The following CYP2U1 variants were observed in gnomAD, a reference collection of about 807,000 sequenced individuals.
CYP2U1 encodes cytochrome P450 2U1.
CYP2U1 carries 28 observed loss-of-function variants against 42.8 expected under a neutral mutation model. The ratio of observed to expected loss-of-function variants is 0.65; its 90% CI spans 0.48 to 0.90. The LOEUF (loss-of-function observed/expected upper bound fraction) is 0.90, where lower values mean the gene tolerates loss of function less well. Among genes scored for constraint, CYP2U1 ranks in the 40% least tolerant of loss-of-function variants. The pLI is 0.00. For missense variants in CYP2U1, 642 were observed against 693.8 expected (o/e 0.93, Z 0.84); for synonymous variants, 296 against 278.9 (o/e 1.06, Z -0.61).
chr4:107,949,165 A>G (rs1332001218), intron 3 of CYP2U1, among the ~76,000 whole-genome samples, 185 bp from the exon 4 acceptor site: 4 of 152,120 alleles, frequency 2.6e-5, no homozygotes, highest in Non-Finnish European at 5.9e-5. Flanking sequence ...GGGTCCTGGA[A>G]TGGTGCGGGG....
Position 107,947,521 on chromosome 4 carries a change from G to A in CYP2U1, c.1272G>A (p.Met424Ile), listed in dbSNP as rs1272950208. The A allele has an allele frequency of 6.2e-7, 1 of 1,613,928 alleles. No individual in the cohort carries two copies. The highest frequency in any genetic ancestry group is 8.5e-7 in the Non-Finnish European group (1 of 1,180,020). ...TGGTGCCGCTTGCCATTCCTCATAT[G>A]ACCTCAGAGAACACAGGCAAGTCCA... The part of the protein sequence containing the change: ...TVVVPLAIPH[M>I]TSENTVLQGY... The change falls in exon 3 of 5, where the codon ATG (methionine) becomes ATA (isoleucine). Residue 424 changes from methionine to isoleucine, a missense_variant. Coordinates refer to ENST00000332884, the MANE Select transcript of CYP2U1 (RefSeq NM_183075.3).
chr4:107,932,226 C>G (rs1280420506), intron 1 of CYP2U1, 93 bp downstream of exon 1: 13 of 1,471,142 alleles, frequency 8.8e-6, no homozygotes, highest in Non-Finnish European at 1.8e-6. Flanking sequence ...CTTCCGGCCG[C>G]CCGCGCCCCC....
rs776291096 is a variant in CYP2U1 at position 107,944,960 on chromosome 4, C to T, written c.491-10C>T. 25 of 1,595,208 alleles carry T rather than the reference C, an allele frequency of 1.6e-5. No individual in the cohort carries two copies. The highest frequency in any genetic ancestry group is 2.1e-5 in the Non-Finnish European group (25 of 1,171,610). ...GTTTCTCATCTTCCTTTCTTGGTGT[C>T]CCTTTGCAGGGGTTGTGTTTGCACA... On this transcript the variant is annotated splice_polypyrimidine_tract_variant and intron_variant, in intron 1 of 4. Coordinates refer to ENST00000332884, the MANE Select transcript of CYP2U1 (RefSeq NM_183075.3).
At chr4:107,949,090 T>A (rs1733817163) in intron 3 of CYP2U1, among the ~76,000 whole-genome samples, 1 of 152,216 alleles carries the variant, frequency 6.6e-6, no homozygotes. Flanking sequence ...TTCATTGTAA[T>A]GTTTTTATGG....
rs111314847 is a variant in CYP2U1, at chr4:107,948,972, T to C, written c.1289-378T>C. Among the ~76,000 whole-genome samples, 37 of 152,352 alleles carry C rather than the reference T, an allele frequency of 2.4e-4. 2 individuals carry two copies. The highest frequency in any genetic ancestry group is 8.4e-4 in the African/African-American group (35 of 41,588). On this transcript the variant is annotated intron_variant, in intron 3 of 4. Transcript: ENST00000332884. ...AGTTTACCTCCTCATTACATTGTTA[T>C]ATGGACATAAATGACCCTGTAAACT...
intron 2 of CYP2U1, among the ~76,000 whole-genome samples, chr4:107,945,909 G>C (rs578029714): frequency 6.6e-6 from 1 of 152,296 alleles, no homozygotes; most frequent in Admixed American, 6.5e-5. Flanking sequence ...TCATAATGCT[G>C]ATCTGAACAC....
intron 3 of CYP2U1, among the ~76,000 whole-genome samples, chr4:107,949,068 T>A (rs1386338917): frequency 6.6e-6 from 1 of 152,176 alleles, no homozygotes; most frequent in Non-Finnish European, 1.5e-5. Flanking sequence ...GTTTCTGTTT[T>A]AGTGTTTTCT....
rs1177728563 is a variant in CYP2U1, at chr4:107,952,548, A to T, written c.*2125A>T. The T allele has an allele frequency of 6.6e-6, 1 of 152,238 alleles. No individual in the cohort carries two copies. Among genetic ancestry groups the T allele is most frequent in the Non-Finnish European group, 1.5e-5 (1 of 68,046 alleles). 9.4% of individuals were successfully genotyped at this position (152,238 alleles called of 1,614,324 possible). A position where few individuals can be genotyped will look rare whatever the true frequency, so the allele number is the denominator to read the frequency against. Reference sequence around the variant, plus strand: ...TTAAAACACTTCTGTTTGGCCTTCTATAACTGATCACCCTTCTTTGCTCTG... The same window carrying T: ...TTAAAACACTTCTGTTTGGCCTTCTTTAACTGATCACCCTTCTTTGCTCTG... On this transcript the variant is annotated 3_prime_UTR_variant, in exon 5 of 5. Coordinates refer to ENST00000332884, the MANE Select transcript of CYP2U1 (RefSeq NM_183075.3).
intron 1 of CYP2U1, 28 bp from the exon 2 acceptor site, chr4:107,944,942 A>G: frequency 6.4e-7 from 1 of 1,569,468 alleles, no homozygotes; most frequent in African/African-American, 1.4e-5. Context: ...ACTGTTTCTC[A>G]TCTTCCTTTC....
chr4:107,938,584 GTTCTGTGACAGTA>G (rs1270670491), intron 1 of CYP2U1: 1 of 152,166 alleles, frequency 6.6e-6, no homozygotes, highest in African/African-American at 2.4e-5. Flanking sequence ...GGGAGGAAGA[GTTCTGTGACAGTA>G]TTCCCTGAGG....
At chr4:107,947,326 C>T (rs377550634) in intron 2 of CYP2U1, 50 bp from the exon 3 acceptor site, 77 of 1,569,742 alleles carry the variant, frequency 4.9e-5, no homozygotes, top group Non-Finnish European at 5.9e-5. Context: ...AGGGCACGTT[C>T]GACTCTGTCC....
rs1733919635 is a variant in CYP2U1 at position 107,951,853 on chromosome 4, G to A, written c.*1430G>A. On this transcript the variant is annotated 3_prime_UTR_variant, in exon 5 of 5. Transcript: ENST00000332884. ...CTTACATAAATTCTATTAAGAGGGT[G>A]GCATACTGTAGTGGATGAAGCTGAG... is the stretch of plus-strand genomic sequence containing the variant. 1 of 152,158 alleles carries A rather than the reference G, an allele frequency of 6.6e-6. No individual in the cohort carries two copies. The highest frequency in any genetic ancestry group is 1.5e-5 in the Non-Finnish European group (1 of 68,036). 9.4% of individuals were successfully genotyped at this position (152,158 alleles called of 1,614,324 possible). A position where few individuals can be genotyped will look rare whatever the true frequency, so the allele number is the denominator to read the frequency against.
chr4:107,941,612 CT>C (rs5860885), intron 1 of CYP2U1, among the ~76,000 whole-genome samples: 205 of 146,168 alleles, frequency 1.4e-3, no homozygotes, highest in Non-Finnish European at 1.6e-3. Context: ...AAAATAGAAA[CT>C]TTTTTTTTTT....
intron 1 of CYP2U1, chr4:107,937,609 T>C (rs10006604): frequency 0.17 from 25,837 of 151,778 alleles, 2,414 homozygotes; most frequent in Non-Finnish European, 0.21. Flanking sequence ...CCCAGGTTCA[T>C]GCCATTCTCC....
chr4:107,946,813 C>T (rs1733714009), intron 2 of CYP2U1, among the ~76,000 whole-genome samples: 1 of 152,142 alleles, frequency 6.6e-6, no homozygotes, highest in Non-Finnish European at 1.5e-5. Flanking sequence ...TTCCTTACCA[C>T]TGTGACCCTT....
rs1733912420 is a variant in CYP2U1, at chr4:107,951,644, G to A, written c.*1221G>A. On this transcript the variant is annotated 3_prime_UTR_variant, in exon 5 of 5. Transcript: ENST00000332884. ...GTCCTATACAGTGAAGAATTGTCCT[G>A]CTCAAGATGCCAGGATTTCCCCCAG... The A allele has an allele frequency of 6.6e-6, 1 of 152,236 alleles. No homozygotes were observed. Among genetic ancestry groups the A allele is most frequent in the African/African-American group, 2.4e-5 (1 of 41,422 alleles). The allele number at this position is 152,236 out of a possible 1,614,324, so 9.4% of individuals were successfully genotyped here.
rs1733876232 is a variant in CYP2U1 at position 107,950,572 on chromosome 4, G to A, written c.*149G>A. On this transcript the variant is annotated 3_prime_UTR_variant, in exon 5 of 5. Transcript: ENST00000332884. ...GGAAGGAGGGTAGAGCACACTGGGA[G>A]GTTTCATCTTGGAGGATTCCTCAGC... The A allele has an allele frequency of 2.7e-6, 2 of 731,110 alleles. No homozygotes were observed. The highest frequency in any genetic ancestry group is 4.1e-6 in the Non-Finnish European group (2 of 488,932). 45.3% of individuals were successfully genotyped at this position (731,110 alleles called of 1,614,324 possible).
rs779695903 is a variant in CYP2U1 at position 107,949,528 on chromosome 4, C to G, written c.1456+11C>G. ...TTCCTTTTGGGATAGGTCAGTTACA[C>G]TTTTTTAAACTGCATAATTTTTAAA... On this transcript the variant is annotated intron_variant, in intron 4 of 4. Coordinates refer to ENST00000332884, the MANE Select transcript of CYP2U1 (RefSeq NM_183075.3). 3 of 1,506,768 alleles carry G rather than the reference C, an allele frequency of 2.0e-6. No individual in the cohort carries two copies. In the South Asian group the frequency reaches 4.0e-5, roughly 20 times the overall value. 93.3% of individuals were successfully genotyped at this position (1,506,768 alleles called of 1,614,324 possible).
chr4:107,947,231 A>G, intron 2 of CYP2U1, 145 bp from the exon 3 acceptor site: 2 of 687,772 alleles, frequency 2.9e-6, no homozygotes, highest in South Asian at 1.8e-5. Flanking sequence ...TGTCTGACCA[A>G]TGCTTCAACT....
Sources: allele counts gnomAD v4.1 joint callset (sites outside exome capture counted in the v4.1 genomes callset), GRCh38; gene constraint gnomAD v4.1.1; transcripts MANE v1.5; gene names NCBI Gene and HGNC (gene_info 2026-07-23, HGNC 2026-07-21).